Variants in FAT1 observed in about 807,000 individuals in gnomAD.
The protein encoded by FAT1 is FAT atypical cadherin 1.
A neutral mutation model predicts 329.8 loss-of-function variants in FAT1; 171 were observed. The ratio of observed to expected loss-of-function variants is 0.52; its 90% CI spans 0.46 to 0.59. The LOEUF (loss-of-function observed/expected upper bound fraction) is 0.59, where lower values mean the gene tolerates loss of function less well. FAT1 is among the 20% of genes least tolerant of loss of function. The probability of loss-of-function intolerance (pLI) is 0.00; values close to 1 mark genes in which losing one functional copy is unlikely to be tolerated. For missense variants in FAT1, 5,672 were observed against 5,774.4 expected (o/e 0.98, Z 0.57); for synonymous variants, 2,233 against 2,228.6 (o/e 1.00, Z -0.06).
At position 186,614,323 on chromosome 4, in the gene FAT1, G is replaced by T. The variant is rs775154026; in HGVS notation, c.9097C>A (p.Pro3033Thr). 5.1e-6 allele frequency: 8 copies of T among 1,569,454 alleles called. No individual in the cohort carries two copies. The South Asian group carries it at 9.8e-5, about 19-fold the overall frequency. ...CEKTLYSDTI[P>T]EDVLPGKLIM... is the part of the protein sequence containing the mutation. ...AATTTTCCAGGAAGGACGTCTTCAGGAATAGTGTCTGAATATAAAGTCTGC... is the reference window on the plus strand; with the variant it reads ...AATTTTCCAGGAAGGACGTCTTCAGTAATAGTGTCTGAATATAAAGTCTGC... The change falls in exon 12 of 27, where the codon CCT becomes ACT. Residue 3033 changes from proline (P) to threonine (T), a missense_variant. Around this residue, in one of 2 missense-constraint regions of FAT1, gnomAD observed 3,966 missense variants for 3,915.2 expected, o/e 1.01. Transcript: ENST00000441802.
At chr4:186,674,887 A>T (rs2126636718) in intron 2 of FAT1, among the ~76,000 whole-genome samples, 1 of 152,206 alleles carries the variant, frequency 6.6e-6, no homozygotes, top group Non-Finnish European at 1.5e-5. Flanking sequence ...TACAAAAATT[A>T]GCCAAGCATG....
chr4:186,633,716 C>T lies in FAT1; in HGVS notation c.4291G>A (p.Ala1431Thr). The T allele has an allele frequency of 6.2e-7, 1 of 1,613,914 alleles. No homozygotes were observed. The highest frequency in any genetic ancestry group is 8.5e-7 in the Non-Finnish European group (1 of 1,179,870). Residue 1431 changes from alanine to threonine, a missense_variant, in exon 7 of 27, where the codon GCT (alanine) becomes ACT (threonine). Around this residue, in one of 2 missense-constraint regions of FAT1, gnomAD observed 3,966 missense variants for 3,915.2 expected, o/e 1.01. Coordinates refer to ENST00000441802, the MANE Select transcript of FAT1 (RefSeq NM_005245.4). Reference protein sequence around the residue: ...QKSNYNLTVEATDGTTTILTQ... With the variant: ...QKSNYNLTVETTDGTTTILTQ... ...AGGATAGTGGTGGTTCCATCTGTAG[C>T]CTCGACTGTGAGGTTGTAGTTTGAC... is the stretch of plus-strand genomic sequence containing the variant.
chr4:186,609,355 TAAG>T (rs755105383), intron 15 of FAT1, 35 bp from the exon 16 acceptor site: 50 of 1,603,146 alleles, frequency 3.1e-5, no homozygotes, highest in Non-Finnish European at 3.9e-5. Context: ...AGGAGACAGC[TAAG>T]AAGAGGCCTA....
At chr4:186,684,489 C>T (rs1044572025) in intron 2 of FAT1, among the ~76,000 whole-genome samples, 5 of 152,176 alleles carry the variant, frequency 3.3e-5, no homozygotes, top group Admixed American at 2.0e-4. Context: ...CACCTGCCTC[C>T]GCCCGAACAC....
At chr4:186,593,052 T>C (rs944574524) in intron 26 of FAT1, among the ~76,000 whole-genome samples, 10 of 152,228 alleles carry the variant, frequency 6.6e-5, no homozygotes, top group African/African-American at 2.4e-4. Flanking sequence ...TTATGCATCA[T>C]GCCAGGCCAA....
At position 186,618,685 on chromosome 4, in the gene FAT1, G is replaced by A. The variant is rs1739854999; in HGVS notation, c.7901C>T (p.Ala2634Val). ...TACACTTTCAGAGTCTGCTTCAATG[G>A]CATAGGTGATGTCGGCATTGGAGCC... Reference protein sequence around the residue: ...DEGSNADITYAIEADSESVKE... With the variant: ...DEGSNADITYVIEADSESVKE... Residue 2634 changes from alanine (A) to valine (V), a missense_variant, in exon 10 of 27, where the codon GCC (alanine) becomes GTC (valine). By Grantham distance (64) the Ala-to-Val change is moderately conservative (BLOSUM62 0). This residue lies in a region of FAT1 where 3,966 missense variants were observed against 3,915.2 expected (regional missense o/e 1.01). Coordinates refer to ENST00000441802, the MANE Select transcript of FAT1 (RefSeq NM_005245.4). 6.2e-7 allele frequency: 1 copy of A among 1,613,948 alleles called. No homozygotes were observed. The highest frequency in any genetic ancestry group is 8.5e-7 in the Non-Finnish European group (1 of 1,179,884).
chr4:186,650,757 G>A (rs1286793936), intron 3 of FAT1, among the ~76,000 whole-genome samples: 2 of 152,142 alleles, frequency 1.3e-5, no homozygotes, highest in Non-Finnish European at 2.9e-5. Context: ...GATATGAGAG[G>A]TCAGAGATTT....
intron 7 of FAT1, among the ~76,000 whole-genome samples, chr4:186,631,647 G>T (rs948023089): frequency 1.8e-4 from 26 of 145,234 alleles, no homozygotes; most frequent in African/African-American, 6.5e-4. Flanking sequence ...ACCCATTCCT[G>T]CGGTATCCTA....
intron 3 of FAT1, among the ~76,000 whole-genome samples, chr4:186,645,422 T>TATATATCTAA (rs1420963668): frequency 1.7e-5 from 1 of 58,000 alleles, no homozygotes; most frequent in African/African-American, 7.4e-5. Context: ...TATATATATA[T>TATATATCTAA]GCCTGTAAAA....
chr4:186,699,561 A>G (rs1744201640), intron 2 of FAT1, among the ~76,000 whole-genome samples: 1 of 152,248 alleles, frequency 6.6e-6, no homozygotes, highest in Admixed American at 6.5e-5. Flanking sequence ...CAACAAGTAC[A>G]GGCATGTGCC....
rs754491592 is a variant in FAT1, at chr4:186,609,847, G to A, written c.10022C>T (p.Thr3341Met). Residue 3341 changes from threonine (T) to methionine (M), a missense_variant, in exon 15 of 27, where the codon ACG (threonine) becomes ATG (methionine). Physicochemically the swap from Thr to Met is moderately conservative, Grantham distance 81. Transcript: ENST00000441802. ...NTPVFSQDTY[T>M]TVISEDAVLE... Reference sequence around the variant, plus strand: ...AACGGCATCTTCACTGATGACTGTCGTGTAGGTGTCTTGGCTGAACACAGG... The same window carrying A: ...AACGGCATCTTCACTGATGACTGTCATGTAGGTGTCTTGGCTGAACACAGG... 2.0e-5 allele frequency: 32 copies of A among 1,613,624 alleles called. No homozygotes were observed. In the South Asian group the frequency reaches 2.3e-4, roughly 12 times the overall value.
chr4:186,613,411 T>C, intron 12 of FAT1, 69 bp from the exon 13 acceptor site: 1 of 1,174,696 alleles, frequency 8.5e-7, no homozygotes, highest in Non-Finnish European at 1.3e-6. Flanking sequence ...TCTTATTTCC[T>C]CCCCTTTTGT....
At chr4:186,712,695 A>G (rs1333393333) in intron 1 of FAT1, among the ~76,000 whole-genome samples, 1 of 152,204 alleles carries the variant, frequency 6.6e-6, no homozygotes. Flanking sequence ...TACACTAGTG[A>G]CATGCTGGGC....
intron 20 of FAT1, among the ~76,000 whole-genome samples, chr4:186,602,141 A>G (rs1738844157): frequency 6.6e-6 from 1 of 152,246 alleles, no homozygotes. Flanking sequence ...TAATAATTAG[A>G]TATCACTTCA....
In FAT1 at chr4:186,614,197, C is replaced by T; in HGVS notation, c.9223G>A (p.Asp3075Asn). The change falls in exon 12 of 27, where the codon GAC (aspartate) becomes AAC (asparagine). Residue 3075 changes from aspartate to asparagine, a missense_variant. Physicochemically the swap from Asp to Asn is conservative, Grantham distance 23. Around this residue, in one of 2 missense-constraint regions of FAT1, gnomAD observed 3,966 missense variants for 3,915.2 expected, o/e 1.01. Coordinates refer to ENST00000441802, the MANE Select transcript of FAT1 (RefSeq NM_005245.4). Reference sequence around the variant, plus strand: ...TCCCAAACTCCATCATTACCTGTGTCTGGATTTAGTTTGAATTTTTCTGCA... The same window carrying T: ...TCCCAAACTCCATCATTACCTGTGTTTGGATTTAGTTTGAATTTTTCTGCA... ...SGAEKFKLNP[D>N]TGELKTSTPL... 3 of 1,598,118 alleles carry T rather than the reference C, an allele frequency of 1.9e-6. No individual in the cohort carries two copies. Among genetic ancestry groups the T allele is most frequent in the Non-Finnish European group, 2.6e-6 (3 of 1,175,050 alleles).
rs888149025 is a variant in FAT1 at position 186,618,069 on chromosome 4, T to C, written c.8517A>G (p.Gly2839=). 1.9e-6 allele frequency: 3 copies of C among 1,614,026 alleles called. No individual in the cohort carries two copies. The highest frequency in any genetic ancestry group is 2.5e-6 in the Non-Finnish European group (3 of 1,179,892). ...IQIRASDADS[G]TNGQVMYSLD... ...GGCTATACATAACTTGGCCGTTGGT[T>C]CCTGAGTCAGCATCAGATGCCCTGA... The change falls in exon 10 of 27, where the codon GGA becomes GGG. Residue 2839 remains glycine, a synonymous_variant. Transcript: ENST00000441802.
At chr4:186,638,891 G>A (rs569029784) in intron 4 of FAT1, among the ~76,000 whole-genome samples, 17 of 151,860 alleles carry the variant, frequency 1.1e-4, no homozygotes, top group African/African-American at 3.4e-4. Flanking sequence ...TCTTCCACAC[G>A]GGACAGAGAG....
chr4:186,643,608 G>C (rs182853123), intron 3 of FAT1, among the ~76,000 whole-genome samples: 1,703 of 152,184 alleles, frequency 0.011, 18 homozygotes, highest in Middle Eastern at 0.058. Flanking sequence ...TTTAATACTA[G>C]GCATTCTGGG....
At chr4:186,694,771 A>G (rs780044996) in intron 2 of FAT1, among the ~76,000 whole-genome samples, 5 of 152,070 alleles carry the variant, frequency 3.3e-5, no homozygotes, top group African/African-American at 1.2e-4. Context: ...ATGATCAGCT[A>G]GCCAACATGG....
Sources: allele counts gnomAD v4.1 joint callset (sites outside exome capture counted in the v4.1 genomes callset), GRCh38; gene constraint gnomAD v4.1.1; regional missense constraint gnomAD v4.1.1; transcripts MANE v1.5; gene names NCBI Gene and HGNC (gene_info 2026-07-23, HGNC 2026-07-21).